The following ADRA1A variants were observed in gnomAD, a reference collection of about 807,000 sequenced individuals.
ADRA1A encodes the protein adrenoceptor alpha 1A.
Under a neutral mutation model 29.6 loss-of-function variants are expected in ADRA1A, and 31 were observed. The observed-to-expected ratio is 1.05, with a 90% CI of 0.79 to 1.41. ADRA1A has a LOEUF of 1.41. Ranked by LOEUF, ADRA1A falls within the 40% of genes most tolerant of loss-of-function variation. The pLI, the probability that ADRA1A is intolerant of heterozygous loss-of-function variation, is 0.00. For missense variants in ADRA1A, 619 were observed against 601.1 expected (o/e 1.03, Z -0.31); for synonymous variants, 311 against 254.3 (o/e 1.22, Z -2.12).
At position 26,796,702 on chromosome 8, in the gene ADRA1A, A is replaced by G. The variant is rs899905828; in HGVS notation, c.884-26036T>C. 3.3e-5 allele frequency among the ~76,000 whole-genome samples: 5 copies of G among 152,156 alleles called. No individual in the cohort carries two copies. Among genetic ancestry groups the G allele is most frequent in the Non-Finnish European group, 7.4e-5 (5 of 68,020 alleles). On this transcript the variant is annotated intron_variant, in intron 2 of 2. Coordinates refer to ENST00000380573, the MANE Select transcript of ADRA1A (RefSeq NM_000680.4). This position sits in a 1 kb window ranked among gnomAD's most constrained non-coding sequence, Gnocchi z 5.0. ...GATGCTAAAGGAGGGTCAGTGTAAA[A>G]GTGGATAGAGAGATGATTAATTTCG...
chr8:26,795,580 C>T (rs1328264275), intron 2 of ADRA1A, among the ~76,000 whole-genome samples: 1 of 151,918 alleles, frequency 6.6e-6, no homozygotes, highest in East Asian at 1.9e-4. Context: ...CGCCACTTTG[C>T]AACCCTAAAA....
downstream of ADRA1A, among the ~76,000 whole-genome samples, chr8:26,752,671 A>G (rs964461394): frequency 6.6e-6 from 1 of 152,162 alleles, no homozygotes; most frequent in Non-Finnish European, 1.5e-5. Context: ...TAGCTCCTGT[A>G]TTACTATCAG....
chr8:26,774,582 T>C (rs1806406594), intron 2 of ADRA1A, among the ~76,000 whole-genome samples: 1 of 151,816 alleles, frequency 6.6e-6, no homozygotes, highest in Non-Finnish European at 1.5e-5. Context: ...GGTAGGAGGA[T>C]TGCTTGAGCC....
At chr8:26,859,772 T>C (rs1410410893) in intron 2 of ADRA1A, among the ~76,000 whole-genome samples, 1 of 99,996 alleles carries the variant, frequency 1.0e-5, no homozygotes. Context: ...ATCATTTTTC[T>C]TTTTTTTTTT....
chr8:26,805,922 C>T lies in ADRA1A; in HGVS notation c.884-35256G>A, dbSNP rs1808941586. Among the ~76,000 whole-genome samples the T allele has an allele frequency of 1.3e-5, 2 of 152,162 alleles. No homozygotes were observed. The highest frequency in any genetic ancestry group is 2.9e-5 in the Non-Finnish European group (2 of 68,028). On this transcript the variant is annotated intron_variant, in intron 2 of 2. Transcript: ENST00000380573. This position sits in a 1 kb window ranked among gnomAD's most constrained non-coding sequence, Gnocchi z 4.8. ...TTATCAGAGCCTGTGCCCCCTTCCCCCTAGGCATCTTCTATCACTGTTGCA... is the reference window on the plus strand; with the variant it reads ...TTATCAGAGCCTGTGCCCCCTTCCCTCTAGGCATCTTCTATCACTGTTGCA...
intron 2 of ADRA1A, among the ~76,000 whole-genome samples, chr8:26,812,007 C>G (rs779429614): frequency 9.2e-5 from 14 of 152,042 alleles, no homozygotes; most frequent in Non-Finnish European, 1.6e-4. Context: ...AATAAAGCAG[C>G]CAAAAACATT....
At chr8:26,822,826 G>T (rs1810273012) in intron 2 of ADRA1A, among the ~76,000 whole-genome samples, 1 of 152,164 alleles carries the variant, frequency 6.6e-6, no homozygotes. Context: ...GTGGTGGAAG[G>T]TGAAGGGGAA....
intron 2 of ADRA1A, among the ~76,000 whole-genome samples, chr8:26,840,164 A>T (rs1031984114): frequency 6.6e-6 from 1 of 152,238 alleles, no homozygotes; most frequent in African/African-American, 2.4e-5. Flanking sequence ...TGCTGCTTTA[A>T]TTCCCTTCCA....
At chr8:26,784,257 C>G (rs975814316) in intron 2 of ADRA1A, among the ~76,000 whole-genome samples, 1 of 152,136 alleles carries the variant, frequency 6.6e-6, no homozygotes, top group East Asian at 1.9e-4. Flanking sequence ...TCCCTGGTAC[C>G]CGTTGTGATT....
chr8:26,856,495 A>G (rs929149246), intron 2 of ADRA1A, among the ~76,000 whole-genome samples: 1 of 152,166 alleles, frequency 6.6e-6, no homozygotes, highest in Non-Finnish European at 1.5e-5. Context: ...TTCCAGCTTC[A>G]CTGGACACCA....
intron 2 of ADRA1A, among the ~76,000 whole-genome samples, chr8:26,818,351 G>A (rs1459752900): frequency 6.6e-6 from 1 of 152,036 alleles, no homozygotes; most frequent in Admixed American, 6.6e-5. Flanking sequence ...ATAATATTAA[G>A]TCAAAAAGAA....
chr8:26,777,837 G>A lies in ADRA1A; in HGVS notation c.884-7171C>T, dbSNP rs548216065. On this transcript the variant is annotated intron_variant, in intron 2 of 2. Transcript: ENST00000380573. Reference sequence around the variant, plus strand: ...TGGGCACACATCCCCGAAGGAGACAGGCTCAGGGCACCCTGGGGGCCTGCC... The same window carrying A: ...TGGGCACACATCCCCGAAGGAGACAAGCTCAGGGCACCCTGGGGGCCTGCC... Among the ~76,000 whole-genome samples, 143 of 152,356 alleles carry A rather than the reference G, an allele frequency of 9.4e-4. 1 individual carries two copies. The highest frequency in any genetic ancestry group is 9.3e-3 in the Admixed American group (143 of 15,312).
intron 2 of ADRA1A, among the ~76,000 whole-genome samples, chr8:26,809,426 C>T (rs556911777): frequency 6.6e-6 from 1 of 151,966 alleles, no homozygotes; most frequent in South Asian, 2.1e-4. Flanking sequence ...GAACCAGAAC[C>T]CTGATTTCTC....
rs191904578 is a variant in ADRA1A, at chr8:26,774,833, T to C, written c.884-4167A>G. On this transcript the variant is annotated intron_variant, in intron 2 of 2. Coordinates refer to ENST00000380573, the MANE Select transcript of ADRA1A (RefSeq NM_000680.4). ...CCCCAAACCCTCCTCCTGCTCTCTCTTTCTCTGCCCAAACCTTCCCCGTCT... is the reference window on the plus strand; with the variant it reads ...CCCCAAACCCTCCTCCTGCTCTCTCCTTCTCTGCCCAAACCTTCCCCGTCT... Among the ~76,000 whole-genome samples, 426 of 152,332 alleles carry C rather than the reference T, an allele frequency of 2.8e-3. 8 individuals are homozygous for C. Among genetic ancestry groups the C allele is most frequent in the Admixed American group, 0.023 (355 of 15,298 alleles).
chr8:26,800,723 TAGA>T (rs1279085235), intron 2 of ADRA1A, among the ~76,000 whole-genome samples: 3 of 152,018 alleles, frequency 2.0e-5, no homozygotes, highest in Admixed American at 1.3e-4. Flanking sequence ...TTTCAAAAAA[TAGA>T]AGAAGAGGGA....
At chr8:26,812,836 TC>T (rs796669744) in intron 2 of ADRA1A, among the ~76,000 whole-genome samples, 20 of 151,584 alleles carry the variant, frequency 1.3e-4, no homozygotes, top group African/African-American at 3.6e-4. Flanking sequence ...GGCTAATTTT[TC>T]TGTATTTTTA....
chr8:26,779,169 G>A, intron 2 of ADRA1A: 1 of 611,838 alleles, frequency 1.6e-6, no homozygotes, highest in South Asian at 2.0e-5. Flanking sequence ...TAGGAGACCA[G>A]GTTATCTCTC....
intron 2 of ADRA1A, among the ~76,000 whole-genome samples, chr8:26,808,191 A>G (rs1264506482): frequency 6.6e-6 from 1 of 152,112 alleles, no homozygotes; most frequent in Admixed American, 6.5e-5. Flanking sequence ...AAGTATGTCT[A>G]TATATTATTT....
rs1398116843 is a variant in ADRA1A at position 26,769,509 on chromosome 8, C to A, written c.*640G>T. On this transcript the variant is annotated 3_prime_UTR_variant, in exon 3 of 3. Coordinates refer to ENST00000380573, the MANE Select transcript of ADRA1A (RefSeq NM_000680.4). ...CTACATTCCAAGACATCATGAGTGC[C>A]CCTCACTCTCATCTTTGGGAAATGA... is the stretch of plus-strand genomic sequence containing the variant. The A allele has an allele frequency of 1.0e-6, 1 of 985,276 alleles. No individual in the cohort carries two copies. Among genetic ancestry groups the A allele is most frequent in the Admixed American group, 6.1e-5 (1 of 16,262 alleles). The allele number at this position is 985,276 out of a possible 1,614,324, so 61.0% of individuals were successfully genotyped here.
Sources: allele counts gnomAD v4.1 joint callset (sites outside exome capture counted in the v4.1 genomes callset), GRCh38; gene constraint gnomAD v4.1.1; non-coding constraint Gnocchi (gnomAD v3.1); transcripts MANE v1.5; gene names NCBI Gene and HGNC (gene_info 2026-07-23, HGNC 2026-07-21).